The following VANGL1 variants were observed in gnomAD, a reference collection of about 807,000 sequenced individuals.
The protein encoded by VANGL1 is VANGL planar cell polarity protein 1, also known as vang-like protein 1.
VANGL1 carries 18 observed loss-of-function variants against 48.4 expected under a neutral mutation model. That is an observed-to-expected ratio of 0.37 (90% CI 0.26 to 0.55). The LOEUF (loss-of-function observed/expected upper bound fraction) is 0.55, where lower values mean the gene tolerates loss of function less well. VANGL1 is among the 20% of genes least tolerant of loss of function. The probability of loss-of-function intolerance (pLI) is 0.81; values close to 1 mark genes in which losing one functional copy is unlikely to be tolerated. For synonymous variants in VANGL1, 257 were observed against 261.8 expected, an observed-to-expected ratio of 0.98 and a Z score of 0.18; for missense variants, 667 against 675.8, an observed-to-expected ratio of 0.99 and a Z score of 0.14.
intron 7 of VANGL1, among the ~76,000 whole-genome samples, chr1:115,685,990 T>TA (rs1223888932): frequency 3.3e-5 from 5 of 152,114 alleles, no homozygotes; most frequent in Non-Finnish European, 5.9e-5. Flanking sequence ...AGGATACACA[T>TA]ATAGTGCAAC....
At chr1:115,659,382 A>G (rs9428200) in intron 2 of VANGL1, among the ~76,000 whole-genome samples, 15,592 of 152,014 alleles carry the variant, frequency 0.1, 822 homozygotes, top group East Asian at 0.19. Flanking sequence ...AATATCACTG[A>G]TGATAGAGGA....
chr1:115,644,882 C>T (rs770145881), intron 1 of VANGL1, among the ~76,000 whole-genome samples: 80 of 152,164 alleles, frequency 5.3e-4, no homozygotes, highest in Non-Finnish European at 8.2e-4. Flanking sequence ...AAATCATTGG[C>T]GAAACAAGTA....
Position 115,693,525 on chromosome 1 carries a change from T to C in VANGL1, c.*2146T>C, listed in dbSNP as rs1420088576. The C allele has an allele frequency of 6.6e-6, 1 of 152,518 alleles. No individual in the cohort carries two copies. Among genetic ancestry groups the C allele is most frequent in the Non-Finnish European group, 1.5e-5 (1 of 68,046 alleles). 9.4% of individuals were successfully genotyped at this position (152,518 alleles called of 1,614,324 possible). A position where few individuals can be genotyped will look rare whatever the true frequency, so the allele number is the denominator to read the frequency against. ...GAAGAAAGGTTTAAATTAAAGAATT[T>C]ATTTTCTCTCTCCCCCTTCCTCTTT... On this transcript the variant is annotated 3_prime_UTR_variant, in exon 8 of 8. Transcript: ENST00000355485.
chr1:115,686,867 A>AAAGGG lies in VANGL1; in HGVS notation c.1314+1340_1314+1341insAAGGG, dbSNP rs1277915507. Reference sequence around the variant, plus strand: ...TTCCTCTACACTTGTTTACTGTTGTATCAATGAGGATAATAATAATATCTC... The same window carrying AAAGGG: ...TTCCTCTACACTTGTTTACTGTTGTAAAGGGTCAATGAGGATAATAATAATATCTC... On this transcript the variant is annotated intron_variant, in intron 7 of 7. Coordinates refer to ENST00000355485, the MANE Select transcript of VANGL1 (RefSeq NM_138959.3). Among the ~76,000 whole-genome samples the AAAGGG allele has an allele frequency of 9.7e-4, 136 of 140,800 alleles. 1 individual carries two copies. Among genetic ancestry groups the AAAGGG allele is most frequent in the South Asian group, 1.9e-3 (8 of 4,244 alleles). 92.4% of individuals were successfully genotyped at this position (140,800 alleles called of 152,430 possible).
intron 4 of VANGL1, among the ~76,000 whole-genome samples, chr1:115,665,060 C>T (rs1652720086): frequency 6.6e-6 from 1 of 152,222 alleles, no homozygotes; most frequent in Admixed American, 6.5e-5. Context: ...AAACATATGG[C>T]TAGCCTCATT....
chr1:115,683,861 C>G, intron 5 of VANGL1, 83 bp from the exon 6 acceptor site: 4 of 1,562,664 alleles, frequency 2.6e-6, no homozygotes, highest in Non-Finnish European at 3.5e-6. Flanking sequence ...GTAGACAACA[C>G]TGACAGATTG....
At chr1:115,662,771 G>A (rs897182558) in intron 3 of VANGL1, among the ~76,000 whole-genome samples, 1 of 151,246 alleles carries the variant, frequency 6.6e-6, no homozygotes, top group Admixed American at 6.6e-5. Context: ...TGGATCTTGT[G>A]AACATCATAA....
intron 4 of VANGL1, among the ~76,000 whole-genome samples, chr1:115,680,075 G>A (rs928968676): frequency 7.9e-5 from 12 of 151,342 alleles, no homozygotes; most frequent in Non-Finnish European, 1.3e-4. Flanking sequence ...TGAATCTCTG[G>A]ATGGGGTAGG....
chr1:115,690,658 G>A (rs1034878557), intron 7 of VANGL1, among the ~76,000 whole-genome samples: 8 of 152,352 alleles, frequency 5.3e-5, no homozygotes, highest in Non-Finnish European at 7.3e-5. Flanking sequence ...TAGCGCATGC[G>A]TTCTTATTCA....
Position 115,663,729 on chromosome 1 carries a change from C to T in VANGL1, c.273C>T (p.Asp91=). ...GTSEHSISQE[D]IARISKDMED... ...CGGAGCACAGCATATCCCAAGAGGA[C>T]ATTGCCAGGATCAGCAAGGACATGG... Residue 91 remains aspartate (D), a synonymous_variant, in exon 4 of 8, where the codon GAC becomes GAT. Transcript: ENST00000355485. 1.2e-6 allele frequency: 2 copies of T among 1,614,230 alleles called. No individual in the cohort carries two copies. Among genetic ancestry groups the T allele is most frequent in the Non-Finnish European group, 8.5e-7 (1 of 1,180,044 alleles).
chr1:115,650,421 G>T (rs1418244077), intron 1 of VANGL1, among the ~76,000 whole-genome samples: 1 of 152,112 alleles, frequency 6.6e-6, no homozygotes, highest in Non-Finnish European at 1.5e-5. Context: ...TATTTTTATT[G>T]CAAAGCAATA....
In VANGL1 at chr1:115,682,452, C is replaced by G; in HGVS notation, c.901C>G (p.Arg301Gly). 6.2e-7 allele frequency: 1 copy of G among 1,614,148 alleles called. No individual in the cohort carries two copies. ...NPNLLTASKF[R>G]AAKHMAGLKV... ...AAACCTCCTAACAGCCTCCAAATTCCGAGCAGCCAAGCATATGGCCGGGCT... is the reference window on the plus strand; with the variant it reads ...AAACCTCCTAACAGCCTCCAAATTCGGAGCAGCCAAGCATATGGCCGGGCT... The change falls in exon 5 of 8, where the codon CGA (arginine) becomes GGA (glycine). Residue 301 changes from arginine to glycine, a missense_variant. Arg to Gly is a moderately radical substitution (Grantham distance 125, BLOSUM62 -2). Transcript: ENST00000355485.
At position 115,695,179 on chromosome 1, in the gene VANGL1, C is replaced by CA. The variant is rs1653988933; in HGVS notation, c.*3803dup. 6.6e-6 allele frequency: 1 copy of CA among 152,466 alleles called. No individual in the cohort carries two copies. The highest frequency in any genetic ancestry group is 1.5e-5 in the Non-Finnish European group (1 of 68,022). 9.4% of individuals were successfully genotyped at this position (152,466 alleles called of 1,614,324 possible). On this transcript the variant is annotated 3_prime_UTR_variant, in exon 8 of 8. Coordinates refer to ENST00000355485, the MANE Select transcript of VANGL1 (RefSeq NM_138959.3). ...GTCAAGCTCTAAGAAAATTACTGCT[C>CA]AAACTTCACTACCCTGGAAGCCTTA...
At chr1:115,665,347 A>G (rs1570752745) in intron 4 of VANGL1, among the ~76,000 whole-genome samples, 1 of 152,204 alleles carries the variant, frequency 6.6e-6, no homozygotes, top group Non-Finnish European at 1.5e-5. Context: ...TAGGCAGTAT[A>G]TGCTGATGTG....
intron 1 of VANGL1, among the ~76,000 whole-genome samples, chr1:115,646,064 A>C (rs1651900302): frequency 6.6e-6 from 1 of 152,164 alleles, no homozygotes; most frequent in Non-Finnish European, 1.5e-5. Context: ...TTTGCTAAAC[A>C]CTGTGTTTTC....
Position 115,696,027 on chromosome 1 carries a change from A to G in VANGL1, c.*4648A>G, listed in dbSNP as rs1448290249. 6.6e-6 allele frequency: 1 copy of G among 152,238 alleles called. No individual in the cohort carries two copies. The highest frequency in any genetic ancestry group is 1.5e-5 in the Non-Finnish European group (1 of 68,052). 9.4% of individuals were successfully genotyped at this position (152,238 alleles called of 1,614,324 possible). A position where few individuals can be genotyped will look rare whatever the true frequency, so the allele number is the denominator to read the frequency against. On this transcript the variant is annotated 3_prime_UTR_variant, in exon 8 of 8. Transcript: ENST00000355485. The stretch of plus-strand genomic sequence containing the variant: ...TATCTTAGGATATTTGATGGAAAGA[A>G]CTTGAGAATCCCTTCTGGAAAACCC...
chr1:115,656,343 G>T lies in VANGL1; in HGVS notation c.72-3298G>T, dbSNP rs78730636. Among the ~76,000 whole-genome samples the T allele has an allele frequency of 2.6e-5, 4 of 152,206 alleles. No individual in the cohort carries two copies. In the East Asian group the frequency reaches 7.7e-4, roughly 29 times the overall value. On this transcript the variant is annotated intron_variant, in intron 2 of 7. Coordinates refer to ENST00000355485, the MANE Select transcript of VANGL1 (RefSeq NM_138959.3). ...TCACAAAGAAGCAAACTTCCAAGCA[G>T]TCACTCAGCAACCTCCTCCTAGGAG...
At chr1:115,655,421 G>C (rs141907256) in intron 2 of VANGL1, among the ~76,000 whole-genome samples, 1 of 152,208 alleles carries the variant, frequency 6.6e-6, no homozygotes, top group Non-Finnish European at 1.5e-5. Flanking sequence ...GCTCACACAC[G>C]TGTGGTGCAG....
intron 1 of VANGL1, among the ~76,000 whole-genome samples, chr1:115,646,379 A>G (rs1347379970): frequency 6.6e-6 from 1 of 151,906 alleles, no homozygotes; most frequent in Admixed American, 6.6e-5. Flanking sequence ...GTGACCGGTG[A>G]GGCAAGATGC....
Sources: gnomAD v4.1 joint callset for allele counts (sites outside exome capture counted in the v4.1 genomes callset) on GRCh38, gnomAD v4.1.1 for gene constraint, MANE v1.5 for transcripts, NCBI Gene and HGNC (gene_info 2026-07-23, HGNC 2026-07-21) for gene names.